OLFML2B: variants seen among roughly 807,000 people sequenced by gnomAD.
OLFML2B encodes olfactomedin-like protein 2B.
A neutral mutation model predicts 74.9 loss-of-function variants in OLFML2B; 57 were observed. The observed-to-expected ratio is 0.76, with a 90% CI of 0.61 to 0.95. OLFML2B has a LOEUF of 0.95. OLFML2B is among the 40% of genes least tolerant of loss of function. The probability of loss-of-function intolerance (pLI) is 0.00; values close to 1 mark genes in which losing one functional copy is unlikely to be tolerated. For missense variants in OLFML2B, 986 were observed against 970.6 expected (o/e 1.02, Z -0.21); for synonymous variants, 388 against 405.8 (o/e 0.96, Z 0.53).
intron 2 of OLFML2B, among the ~76,000 whole-genome samples, chr1:162,019,165 A>G (rs1690630621): frequency 6.6e-6 from 1 of 152,222 alleles, no homozygotes; most frequent in African/African-American, 2.4e-5. Flanking sequence ...ATTCATTTAC[A>G]TGGTCATGCC....
chr1:162,004,666 C>G (rs557538978), intron 4 of OLFML2B, among the ~76,000 whole-genome samples: 1 of 152,122 alleles, frequency 6.6e-6, no homozygotes, highest in Non-Finnish European at 1.5e-5. Flanking sequence ...GAGTTTCAAG[C>G]CCACACACCC....
intron 3 of OLFML2B, among the ~76,000 whole-genome samples, chr1:162,010,467 G>A (rs1381703404): frequency 1.3e-5 from 2 of 152,202 alleles, no homozygotes; most frequent in African/African-American, 4.8e-5. Flanking sequence ...GTGGAGTTAG[G>A]GGTACAGCCA....
intron 2 of OLFML2B, among the ~76,000 whole-genome samples, chr1:162,018,555 C>T (rs1690611709): frequency 6.6e-6 from 1 of 152,208 alleles, no homozygotes; most frequent in South Asian, 2.1e-4. Flanking sequence ...GAGACTCTTG[C>T]TCTATGGCAA....
At chr1:161,994,788 G>GA (rs1689844851) in intron 6 of OLFML2B, among the ~76,000 whole-genome samples, 1 of 85,634 alleles carries the variant, frequency 1.2e-5, no homozygotes, top group Admixed American at 1.2e-4. Flanking sequence ...CTTGTTTTTG[G>GA]ATTTTTTTTG....
intron 6 of OLFML2B, among the ~76,000 whole-genome samples, chr1:161,996,647 ATGTT>A (rs1689912379): frequency 1.3e-5 from 2 of 152,224 alleles, no homozygotes; most frequent in Non-Finnish European, 2.9e-5. Context: ...GATTTAATGA[ATGTT>A]TGGTTTAGTT....
chr1:162,000,255 C>A lies in OLFML2B; in HGVS notation c.807G>T (p.Leu269=), dbSNP rs1413878605. Residue 269 remains leucine, a synonymous_variant, in exon 5 of 8, where the codon CTG becomes CTT. Coordinates refer to ENST00000294794, the MANE Select transcript of OLFML2B (RefSeq NM_015441.3). ...GCCGCTGTGACTTCACCACCTCAGG[C>A]AGAGCCAGGGGTCGCGTCTGCAGAA... is the stretch of plus-strand genomic sequence containing the variant. ...IELLQTRPLA[L]PEVVKSQRPL... is the part of the protein sequence containing the mutation. The A allele has an allele frequency of 6.2e-7, 1 of 1,613,834 alleles. No individual in the cohort carries two copies. Among genetic ancestry groups the A allele is most frequent in the Non-Finnish European group, 8.5e-7 (1 of 1,180,030 alleles).
intron 2 of OLFML2B, 103 bp downstream of exon 2, chr1:162,019,816 G>C: frequency 7.0e-7 from 1 of 1,418,526 alleles, no homozygotes; most frequent in Non-Finnish European, 9.5e-7. Context: ...GAACAGGCCT[G>C]ACCTTCTTCA....
chr1:161,985,274 C>A, intron 6 of OLFML2B: 1 of 288,856 alleles, frequency 3.5e-6, no homozygotes, highest in East Asian at 6.6e-5. Context: ...GATCCAGAGT[C>A]CTTTTATGAC....
intron 3 of OLFML2B, among the ~76,000 whole-genome samples, chr1:162,014,962 G>T (rs1376652616): frequency 6.6e-6 from 1 of 152,126 alleles, no homozygotes; most frequent in African/African-American, 2.4e-5. Flanking sequence ...AAACTTACGG[G>T]GTTGATTAGA....
intron 3 of OLFML2B, among the ~76,000 whole-genome samples, chr1:162,011,320 T>C (rs770854240): frequency 6.6e-6 from 1 of 152,152 alleles, no homozygotes; most frequent in Non-Finnish European, 1.5e-5. Context: ...TAGTTTCTCA[T>C]GGGAGTGACC....
intron 5 of OLFML2B, among the ~76,000 whole-genome samples, chr1:161,999,688 G>C (rs994739938): frequency 6.6e-6 from 1 of 152,170 alleles, no homozygotes; most frequent in Non-Finnish European, 1.5e-5. Context: ...CATGAAAAAT[G>C]AAGAAGGACA....
intron 6 of OLFML2B, among the ~76,000 whole-genome samples, chr1:161,993,670 T>G (rs1468042550): frequency 1.3e-5 from 2 of 152,162 alleles, no homozygotes; most frequent in African/African-American, 2.4e-5. Flanking sequence ...CGACCCCATC[T>G]GTGCTGGCGT....
At chr1:161,998,957 AT>A (rs1310348488) in intron 5 of OLFML2B, among the ~76,000 whole-genome samples, 1 of 152,204 alleles carries the variant, frequency 6.6e-6, no homozygotes, top group Non-Finnish European at 1.5e-5. Flanking sequence ...CAAAGATTCC[AT>A]GGGTGAATAA....
In OLFML2B at chr1:162,010,748, C is replaced by A. The variant is rs10218569; in HGVS notation, c.547-4275G>T. Reference sequence around the variant, plus strand: ...ATAGAACCAGGGACAGGGGTGTGGTCGGGGGAGGGTGCTGGCTCTGGAGAT... The same window carrying A: ...ATAGAACCAGGGACAGGGGTGTGGTAGGGGGAGGGTGCTGGCTCTGGAGAT... On this transcript the variant is annotated intron_variant, in intron 3 of 7. Transcript: ENST00000294794. Among the ~76,000 whole-genome samples, 143 of 152,146 alleles carry A rather than the reference C, an allele frequency of 9.4e-4. 4 individuals are homozygous for A. The South Asian group carries it at 0.029, about 31-fold the overall frequency.
At position 161,998,364 on chromosome 1, in the gene OLFML2B, C is replaced by A. The variant is rs774328866; in HGVS notation, c.950-15G>T. Reference sequence around the variant, plus strand: ...AAACTCATCTTCTGTGAAACAAACACAAGGTTCACTGTGGCACGGGAAAGA... The same window carrying A: ...AAACTCATCTTCTGTGAAACAAACAAAAGGTTCACTGTGGCACGGGAAAGA... On this transcript the variant is annotated splice_polypyrimidine_tract_variant and intron_variant, in intron 5 of 7. Transcript: ENST00000294794. The A allele has an allele frequency of 6.5e-7, 1 of 1,540,990 alleles. No homozygotes were observed. Among genetic ancestry groups the A allele is most frequent in the Non-Finnish European group, 8.8e-7 (1 of 1,139,158 alleles).
chr1:162,018,534 G>A (rs1259864383), intron 2 of OLFML2B, among the ~76,000 whole-genome samples: 3 of 152,324 alleles, frequency 2.0e-5, no homozygotes, highest in East Asian at 3.9e-4. Context: ...AGGACTCAGC[G>A]TCCCATCTTT....
In OLFML2B at chr1:161,998,162, C is replaced by G. The variant is rs750392095; in HGVS notation, c.1137G>C (p.Ser379=). 3.7e-6 allele frequency: 6 copies of G among 1,613,898 alleles called. No homozygotes were observed. In the South Asian group the frequency reaches 5.5e-5, roughly 15 times the overall value. ...GGTTGGCGATGCTGGGATCTGAGGT[C>G]GAGGGCTGTGGCAGTGCTGAGGACC... ...APWSSALPQP[S]TSDPSIANHA... is the part of the protein sequence containing the mutation. Residue 379 remains serine (S), a synonymous_variant, in exon 6 of 8, where the codon TCG becomes TCC. Coordinates refer to ENST00000294794, the MANE Select transcript of OLFML2B (RefSeq NM_015441.3).
intron 3 of OLFML2B, 63 bp downstream of exon 3, chr1:162,017,337 G>T: frequency 8.1e-7 from 1 of 1,238,724 alleles, no homozygotes; most frequent in Non-Finnish European, 1.2e-6. Flanking sequence ...ATTTACTGTG[G>T]GACGTTTGAT....
rs1203163237 is a variant in OLFML2B, at chr1:161,998,107, T to G, written c.1192A>C (p.Thr398Pro). 1 of 1,613,556 alleles carries G rather than the reference T, an allele frequency of 6.2e-7. No homozygotes were observed. The highest frequency in any genetic ancestry group is 8.5e-7 in the Non-Finnish European group (1 of 1,179,934). ...HASVGPTLQT[T>P]SVSPDPTRES... ...CTTGTGGGATCTGGAGACACCGAGG[T>G]TGTTTGGAGTGTTGGTCCCACTGAG... is the stretch of plus-strand genomic sequence containing the variant. The change falls in exon 6 of 8, where the codon ACC becomes CCC. Residue 398 changes from threonine (T) to proline (P), a missense_variant. By Grantham distance (38) the Thr-to-Pro change is conservative. Transcript: ENST00000294794.
Sources: allele counts gnomAD v4.1 joint callset (sites outside exome capture counted in the v4.1 genomes callset), GRCh38; gene constraint gnomAD v4.1.1; transcripts MANE v1.5; gene names NCBI Gene and HGNC (gene_info 2026-07-23, HGNC 2026-07-21).